PPM1L: variants seen among roughly 807,000 people sequenced by gnomAD.
The protein encoded by PPM1L is protein phosphatase 1L.
PPM1L carries 13 observed loss-of-function variants against 31.4 expected under a neutral mutation model. The ratio of observed to expected loss-of-function variants is 0.41; its 90% CI spans 0.27 to 0.66. The LOEUF is 0.66. Among genes scored for constraint, PPM1L ranks in the 30% least tolerant of loss-of-function variants. The pLI, the probability that PPM1L is intolerant of heterozygous loss-of-function variation, is 0.29. For synonymous variants in PPM1L, 184 were observed against 175.4 expected (o/e 1.05, Z -0.39); for missense variants, 326 against 453.7 (o/e 0.72, Z 2.56).
chr3:161,010,209 G>A (rs1439259463), intron 2 of PPM1L, among the ~76,000 whole-genome samples: 1 of 151,834 alleles, frequency 6.6e-6, no homozygotes, highest in Non-Finnish European at 1.5e-5. Context: ...GTGTCCAAGT[G>A]TTCTCATTAT....
At chr3:160,791,475 C>T (rs1712103007) in intron 1 of PPM1L, among the ~76,000 whole-genome samples, 1 of 152,062 alleles carries the variant, frequency 6.6e-6, no homozygotes, top group Non-Finnish European at 1.5e-5. Context: ...ATATTTTAGT[C>T]TTATTGCATA....
chr3:161,003,714 G>A (rs1015315453), intron 2 of PPM1L, among the ~76,000 whole-genome samples: 1 of 152,166 alleles, frequency 6.6e-6, no homozygotes, highest in Non-Finnish European at 1.5e-5. Context: ...TGCTGAAGTT[G>A]CCTATCAGCT....
At chr3:160,973,020 G>T (rs144185560) in intron 2 of PPM1L, among the ~76,000 whole-genome samples, 1 of 152,032 alleles carries the variant, frequency 6.6e-6, no homozygotes, top group East Asian at 1.9e-4. Flanking sequence ...ATGATAGGAA[G>T]GTATTTTAAA....
chr3:160,957,327 A>G (rs551382342), intron 1 of PPM1L, among the ~76,000 whole-genome samples: 1 of 152,266 alleles, frequency 6.6e-6, no homozygotes, highest in East Asian at 1.9e-4. Context: ...GGTTGATTCC[A>G]TGTCTTTGCT....
intron 2 of PPM1L, among the ~76,000 whole-genome samples, chr3:161,028,425 C>G (rs1284783087): frequency 1.3e-5 from 2 of 152,018 alleles, no homozygotes; most frequent in East Asian, 3.9e-4. Flanking sequence ...GTGAGTGAGA[C>G]AATCTTAGGC....
chr3:160,781,961 T>C (rs1711759195), intron 1 of PPM1L, among the ~76,000 whole-genome samples: 2 of 152,232 alleles, frequency 1.3e-5, no homozygotes, highest in South Asian at 4.1e-4. Context: ...GGCCAGTGTT[T>C]TGTTCCTTAA....
At position 160,756,234 on chromosome 3, in the gene PPM1L, C is replaced by G; in HGVS notation, c.-75C>G. On this transcript the variant is annotated 5_prime_UTR_variant, in exon 1 of 4. Transcript: ENST00000498165. The surrounding 1 kb of genome is among the most constrained non-coding windows in gnomAD (Gnocchi z 6.2). ...TCCGCCTCCCTCCCGGCGGGCTGTC[C>G]CCGCAGTGCTCCCGGACCCGGCGAG... 2 of 1,519,236 alleles carry G rather than the reference C, an allele frequency of 1.3e-6. No individual in the cohort carries two copies. Among genetic ancestry groups the G allele is most frequent in the Non-Finnish European group, 1.8e-6 (2 of 1,121,082 alleles). 94.1% of individuals were successfully genotyped at this position (1,519,236 alleles called of 1,614,324 possible). A position where few individuals can be genotyped will look rare whatever the true frequency, so the allele number is the denominator to read the frequency against.
chr3:161,013,924 A>C (rs1057340024), intron 2 of PPM1L, among the ~76,000 whole-genome samples: 1 of 152,122 alleles, frequency 6.6e-6, no homozygotes, highest in Non-Finnish European at 1.5e-5. Flanking sequence ...GTCTCTGCAC[A>C]TGAAATGGGT....
At chr3:161,005,118 C>T (rs1396346007) in intron 2 of PPM1L, among the ~76,000 whole-genome samples, 24 of 152,260 alleles carry the variant, frequency 1.6e-4, no homozygotes, top group Non-Finnish European at 4.4e-5. Flanking sequence ...TCTTTGTTCT[C>T]ATTGGTTTCA....
intron 1 of PPM1L, among the ~76,000 whole-genome samples, chr3:160,905,436 C>G (rs189255125): frequency 6.6e-6 from 1 of 152,132 alleles, no homozygotes; most frequent in Non-Finnish European, 1.5e-5. Flanking sequence ...AAATGCCCGT[C>G]TAATAGTTCT....
At chr3:160,819,264 G>A (rs74352987) in intron 1 of PPM1L, among the ~76,000 whole-genome samples, 5,144 of 152,074 alleles carry the variant, frequency 0.034, 304 homozygotes, top group African/African-American at 0.12. Flanking sequence ...TGAAATGTGT[G>A]GAATGACATT....
chr3:160,903,164 A>AGT (rs60731351), intron 1 of PPM1L, among the ~76,000 whole-genome samples: 2,675 of 106,568 alleles, frequency 0.025, 42 homozygotes, highest in African/African-American at 0.059. Context: ...TAGAAGCAAT[A>AGT]GTGTGTGTGT....
At chr3:160,764,592 G>T (rs1354917502) in intron 1 of PPM1L, among the ~76,000 whole-genome samples, 1 of 150,858 alleles carries the variant, frequency 6.6e-6, no homozygotes, top group Non-Finnish European at 1.5e-5. Context: ...TCAGCCTCCT[G>T]AGTAGCTGGG....
chr3:160,960,598 G>A (rs1383562026), intron 1 of PPM1L, among the ~76,000 whole-genome samples: 1 of 100,414 alleles, frequency 1.0e-5, no homozygotes, highest in Non-Finnish European at 2.2e-5. Context: ...GTGTGTGTGT[G>A]TGTGAAGTTT....
intron 2 of PPM1L, among the ~76,000 whole-genome samples, chr3:160,984,980 C>T (rs542679206): frequency 6.6e-6 from 1 of 152,182 alleles, no homozygotes; most frequent in South Asian, 2.1e-4. Flanking sequence ...CTATAATGCA[C>T]AGGACAGCCC....
At chr3:160,961,342 G>A (rs564652703) in intron 1 of PPM1L, among the ~76,000 whole-genome samples, 25 of 152,252 alleles carry the variant, frequency 1.6e-4, no homozygotes, top group African/African-American at 5.1e-4. Context: ...TGTGGATGCC[G>A]TAGCATGGAT....
intron 1 of PPM1L, among the ~76,000 whole-genome samples, chr3:160,828,147 G>A (rs1713412011): frequency 6.6e-6 from 1 of 151,996 alleles, no homozygotes; most frequent in African/African-American, 2.4e-5. Flanking sequence ...GTGGGGAGTG[G>A]GGAGTCATCC....
intron 2 of PPM1L, among the ~76,000 whole-genome samples, chr3:160,971,685 T>C (rs918456310): frequency 6.6e-6 from 1 of 152,242 alleles, no homozygotes; most frequent in African/African-American, 2.4e-5. Context: ...CCTTGTTTTC[T>C]TCTTTGCTTC....
chr3:160,914,026 T>C (rs566645249), intron 1 of PPM1L, among the ~76,000 whole-genome samples: 5 of 152,364 alleles, frequency 3.3e-5, no homozygotes, highest in Admixed American at 2.6e-4. Flanking sequence ...AAAATGGTTG[T>C]ATCATTTTTT....
Sources: gnomAD v4.1 joint callset for allele counts (sites outside exome capture counted in the v4.1 genomes callset) on GRCh38, gnomAD v4.1.1 for gene constraint, Gnocchi (gnomAD v3.1) non-coding constraint, MANE v1.5 for transcripts, NCBI Gene and HGNC (gene_info 2026-07-23, HGNC 2026-07-21) for gene names.